The following SLC39A12 variants were observed in gnomAD, a reference collection of about 807,000 sequenced individuals.
SLC39A12 encodes zinc transporter ZIP12.
Under a neutral mutation model 71.1 loss-of-function variants are expected in SLC39A12, and 63 were observed. The observed-to-expected ratio is 0.89, with a 90% CI of 0.72 to 1.09. The LOEUF (loss-of-function observed/expected upper bound fraction) is 1.09, where lower values mean the gene tolerates loss of function less well. Ranked by LOEUF, SLC39A12 falls within the 50% of genes least tolerant of loss-of-function variation. The pLI is 0.00. For missense variants in SLC39A12, 892 were observed against 812.6 expected, an observed-to-expected ratio of 1.10 and a Z score of -1.19; for synonymous variants, 351 against 301.3, an observed-to-expected ratio of 1.16 and a Z score of -1.71.
chr10:17,964,185 C>G (rs906595445), intron 3 of SLC39A12, among the ~76,000 whole-genome samples: 1 of 152,176 alleles, frequency 6.6e-6, no homozygotes, highest in Admixed American at 6.5e-5. Flanking sequence ...TGTTTCACAG[C>G]CTGCACGAAA....
intron 12 of SLC39A12, chr10:18,005,979 G>A (rs950056461): frequency 6.6e-6 from 1 of 152,130 alleles, no homozygotes. Flanking sequence ...TTAACTGTTG[G>A]TTTTCTCTGG....
rs757549883 is a variant in SLC39A12, at chr10:18,000,721, A to G, written c.1655A>G (p.Asn552Ser). The G allele has an allele frequency of 2.5e-6, 4 of 1,614,012 alleles. No individual in the cohort carries two copies. In the African/African-American group the frequency reaches 5.3e-5, roughly 22 times the overall value. ...IMILVGDSLH[N>S]FADGLAIGAA... ...ATTCTGGTTGGGGACAGCCTGCATA[A>G]TTTTGCAGATGGCCTAGCCATAGGA... is the stretch of plus-strand genomic sequence containing the variant. The change falls in exon 11 of 13, where the codon AAT (asparagine) becomes AGT (serine). Residue 552 changes from asparagine to serine, a missense_variant. Coordinates refer to ENST00000377369, the MANE Select transcript of SLC39A12 (RefSeq NM_001145195.2).
chr10:17,988,345 G>A (rs964865240), intron 7 of SLC39A12, among the ~76,000 whole-genome samples: 3 of 152,018 alleles, frequency 2.0e-5, no homozygotes, highest in Admixed American at 2.0e-4. Flanking sequence ...CCCAAGACCT[G>A]GTTGTTTAAA....
At chr10:17,955,633 A>C (rs545582429) in intron 2 of SLC39A12, among the ~76,000 whole-genome samples, 2 of 152,310 alleles carry the variant, frequency 1.3e-5, no homozygotes, top group African/African-American at 4.8e-5. Flanking sequence ...TCATATCCCT[A>C]AATGTCTGAA....
At position 18,038,381 on chromosome 10, in the gene SLC39A12, T is replaced by G. The variant is rs184734579; in HGVS notation, c.1948-4324T>G. On this transcript the variant is annotated intron_variant, in intron 12 of 12. Transcript: ENST00000377369. The stretch of plus-strand genomic sequence containing the variant: ...GGATTGGACAATTGTTTTAAAAATT[T>G]GGGACAATTTTGTAATCCCAGCACT... 9.8e-3 allele frequency among the ~76,000 whole-genome samples: 1,493 copies of G among 152,196 alleles called. 20 individuals carry two copies. Among genetic ancestry groups the G allele is most frequent in the Middle Eastern group, 0.014 (4 of 294 alleles).
intron 12 of SLC39A12, among the ~76,000 whole-genome samples, chr10:18,030,216 G>A (rs1197243391): frequency 2.0e-5 from 3 of 151,738 alleles, no homozygotes; most frequent in African/African-American, 7.3e-5. Context: ...TTGAAATGTT[G>A]ATTTGCACTG....
chr10:18,018,393 A>G (rs1836441284), intron 12 of SLC39A12, among the ~76,000 whole-genome samples: 1 of 152,026 alleles, frequency 6.6e-6, no homozygotes, highest in African/African-American at 2.4e-5. Context: ...GTCTTATTGC[A>G]TTAGCCGGAA....
At chr10:18,013,297 C>G (rs1809456487) in intron 12 of SLC39A12, among the ~76,000 whole-genome samples, 2 of 150,278 alleles carry the variant, frequency 1.3e-5, no homozygotes, top group Non-Finnish European at 3.0e-5. Context: ...GGGTCTGATC[C>G]ATTTTAAGTT....
intron 4 of SLC39A12, among the ~76,000 whole-genome samples, chr10:17,974,620 G>C (rs1484018052): frequency 1.3e-5 from 2 of 152,120 alleles, no homozygotes; most frequent in Non-Finnish European, 2.9e-5. Flanking sequence ...TAAACAAATG[G>C]AGTCTCTCAC....
chr10:18,024,174 G>C (rs539376155), intron 12 of SLC39A12, among the ~76,000 whole-genome samples: 14 of 152,224 alleles, frequency 9.2e-5, no homozygotes, highest in South Asian at 4.2e-4. Context: ...GTTGGTGAAA[G>C]TGAGGCCTGT....
chr10:17,954,250 T>C (rs1554847521), intron 2 of SLC39A12, among the ~76,000 whole-genome samples: 6 of 152,148 alleles, frequency 3.9e-5, no homozygotes, highest in Admixed American at 3.3e-4. Flanking sequence ...CAGGTTATTA[T>C]TTATTTTATT....
At chr10:17,964,149 C>T (rs1158107974) in intron 3 of SLC39A12, among the ~76,000 whole-genome samples, 3 of 152,196 alleles carry the variant, frequency 2.0e-5, no homozygotes, top group Non-Finnish European at 2.9e-5. Flanking sequence ...TCTCCTTTAT[C>T]CTCTATGGTG....
chr10:17,993,937 G>A (rs1015831352), intron 9 of SLC39A12, among the ~76,000 whole-genome samples: 3 of 152,182 alleles, frequency 2.0e-5, no homozygotes, highest in Non-Finnish European at 2.9e-5. Flanking sequence ...TGGCCTTAGG[G>A]TAAAGAGTTT....
intron 12 of SLC39A12, among the ~76,000 whole-genome samples, chr10:18,030,195 T>TACCCA (rs1836799103): frequency 6.6e-6 from 1 of 152,202 alleles, no homozygotes; most frequent in African/African-American, 2.4e-5. Context: ...GAGAATCTCC[T>TACCCA]TGAACTTTTT....
intron 2 of SLC39A12, among the ~76,000 whole-genome samples, chr10:17,954,574 C>A (rs922900366): frequency 2.2e-4 from 33 of 152,008 alleles, no homozygotes; most frequent in African/African-American, 7.7e-4. Flanking sequence ...TTTAATATGA[C>A]GTCAGTGATG....
At chr10:17,987,951 A>G (rs534667902) in intron 7 of SLC39A12, among the ~76,000 whole-genome samples, 7 of 152,216 alleles carry the variant, frequency 4.6e-5, no homozygotes, top group African/African-American at 1.7e-4. Flanking sequence ...AGGCGGGAAG[A>G]TCGCTGGAGC....
intron 12 of SLC39A12, among the ~76,000 whole-genome samples, chr10:18,022,563 T>C (rs958029870): frequency 7.9e-5 from 12 of 152,238 alleles, no homozygotes; most frequent in Non-Finnish European, 1.3e-4. Flanking sequence ...TTTCTTGGAA[T>C]GGGTTTCAAC....
intron 6 of SLC39A12, among the ~76,000 whole-genome samples, chr10:17,984,532 C>A (rs1208914458): frequency 2.6e-5 from 4 of 152,136 alleles, no homozygotes; most frequent in African/African-American, 9.7e-5. Context: ...ATTCAAATAT[C>A]TTTAATTTAT....
Position 18,000,710 on chromosome 10 carries a change from C to T in SLC39A12, c.1644C>T (p.Asp548=). ...SLLAIMILVG[D]SLHNFADGLA... is the part of the protein sequence containing the mutation. ...TAGCAATCATGATTCTGGTTGGGGA[C>T]AGCCTGCATAATTTTGCAGATGGCC... The change falls in exon 11 of 13, where the codon GAC becomes GAT. Residue 548 remains aspartate, a synonymous_variant. Coordinates refer to ENST00000377369, the MANE Select transcript of SLC39A12 (RefSeq NM_001145195.2). 1.2e-6 allele frequency: 2 copies of T among 1,614,176 alleles called. No individual in the cohort carries two copies. The highest frequency in any genetic ancestry group is 1.7e-6 in the Non-Finnish European group (2 of 1,180,022).
Sources: gnomAD v4.1 joint callset for allele counts (sites outside exome capture counted in the v4.1 genomes callset) on GRCh38, gnomAD v4.1.1 for gene constraint, MANE v1.5 for transcripts, NCBI Gene and HGNC (gene_info 2026-07-23, HGNC 2026-07-21) for gene names.